FHDC1: variants seen among roughly 807,000 people sequenced by gnomAD.
FHDC1 encodes the protein FH2 domain containing 1, also known as FH2 domain-containing protein 1.
FHDC1 carries 25 observed loss-of-function variants against 52.6 expected under a neutral mutation model. The observed-to-expected ratio is 0.48, with a 90% confidence interval of 0.35 to 0.66. The LOEUF is 0.66. Ranked by LOEUF, FHDC1 falls within the 30% of genes least tolerant of loss-of-function variation. The pLI is 0.01. For synonymous variants in FHDC1, 616 were observed against 581.5 expected, an observed-to-expected ratio of 1.06 and a Z score of -0.85; for missense variants, 1,459 against 1,452.8, an observed-to-expected ratio of 1.00 and a Z score of -0.07.
chr4:152,923,003 G>A, the FHDC1 span, among the ~76,000 whole-genome samples: 2 of 152,012 alleles, frequency 1.3e-5, no homozygotes, highest in African/African-American at 4.8e-5. Flanking sequence ...GGAAGTTCTG[G>A]CCAGGGCAAT....
At chr4:152,926,303 C>CACAT in the FHDC1 span, among the ~76,000 whole-genome samples, 31 of 141,172 alleles carry the variant, frequency 2.2e-4, no homozygotes, top group South Asian at 5.3e-3. Flanking sequence ...CACACACACA[C>CACAT]AAACAATACA....
chr4:152,922,999 T>A, the FHDC1 span, among the ~76,000 whole-genome samples: 5 of 152,068 alleles, frequency 3.3e-5, no homozygotes, highest in Admixed American at 2.6e-4. Flanking sequence ...TGTTGGAAGT[T>A]CTGGCCAGGG....
chr4:152,964,820 A>AT, intron 8 of FHDC1, 85 bp from the exon 9 acceptor site: 1 of 1,116,642 alleles, frequency 9.0e-7, no homozygotes, highest in South Asian at 1.4e-5. Context: ...AGGAGCAGTG[A>AT]TTTTAAGATT....
chr4:152,971,055 C>T (rs1267933528), intron 10 of FHDC1, among the ~76,000 whole-genome samples: 1 of 152,154 alleles, frequency 6.6e-6, no homozygotes, highest in Non-Finnish European at 1.5e-5. Flanking sequence ...CTTCATATAA[C>T]CATTATTTCC....
At chr4:152,949,942 C>T (rs1423070261) in intron 2 of FHDC1, among the ~76,000 whole-genome samples, 3 of 152,164 alleles carry the variant, frequency 2.0e-5, no homozygotes, top group African/African-American at 4.8e-5. Flanking sequence ...TGACTGTACC[C>T]GTGGCACCGA....
rs1739923888 is a variant in FHDC1 at position 152,951,441 on chromosome 4, T to C, written c.499-2058T>C. On this transcript the variant is annotated intron_variant, in intron 2 of 11. Coordinates refer to ENST00000511601, the MANE Select transcript of FHDC1 (RefSeq NM_001371116.1). The stretch of plus-strand genomic sequence containing the variant: ...CAATAAGGAGGCCGCCCTTTCAGCT[T>C]GGGAGTTTTTACCTTATGGCTGGCA... Among the ~76,000 whole-genome samples, 4 of 152,054 alleles carry C rather than the reference T, an allele frequency of 2.6e-5. No homozygotes were observed. In the South Asian group the frequency reaches 8.3e-4, roughly 32 times the overall value.
At chr4:152,966,627 T>A (rs1309248758) in intron 9 of FHDC1, among the ~76,000 whole-genome samples, 3 of 152,024 alleles carry the variant, frequency 2.0e-5, no homozygotes, top group Non-Finnish European at 4.4e-5. Context: ...GCCCAGTTAA[T>A]TTTTTTGTAT....
chr4:152,954,469 C>G, intron 4 of FHDC1, 150 bp downstream of exon 4: 1 of 591,836 alleles, frequency 1.7e-6, no homozygotes, highest in Non-Finnish European at 2.9e-6. Context: ...GATGAATCAC[C>G]TGAGGTCAGG....
At chr4:152,918,692 A>C in the FHDC1 span, among the ~76,000 whole-genome samples, 1 of 152,182 alleles carries the variant, frequency 6.6e-6, no homozygotes, top group African/African-American at 2.4e-5. Flanking sequence ...ACACTGAGCC[A>C]CGTTGCTCTG....
chr4:152,936,160 C>T (rs1739364757), upstream of FHDC1, among the ~76,000 whole-genome samples: 1 of 151,992 alleles, frequency 6.6e-6, no homozygotes, highest in Admixed American at 6.5e-5. Context: ...GTGACGGTGG[C>T]GCGCGTAGGG....
At position 152,963,103 on chromosome 4, in the gene FHDC1, G is replaced by A; in HGVS notation, c.1002G>A (p.Gly334=). 1 of 1,614,036 alleles carries A rather than the reference G, an allele frequency of 6.2e-7. No individual in the cohort carries two copies. Among genetic ancestry groups the A allele is most frequent in the South Asian group, 1.1e-5 (1 of 91,076 alleles). ...KLADTKANKP[G]MNLLHFVAQE... ...CAGACACAAAAGCAAACAAACCTGG[G>A]ATGAATCTCCTGCACTTTGTTGCAC... The change falls in exon 8 of 12, where the codon GGG becomes GGA. Residue 334 remains glycine, a synonymous_variant. Coordinates refer to ENST00000511601, the MANE Select transcript of FHDC1 (RefSeq NM_001371116.1).
At chr4:152,947,629 A>G (rs1739774120) in intron 2 of FHDC1, among the ~76,000 whole-genome samples, 1 of 152,256 alleles carries the variant, frequency 6.6e-6, no homozygotes, top group Non-Finnish European at 1.5e-5. Flanking sequence ...TGAACTGGAC[A>G]GAACTGAACC....
intron 9 of FHDC1, among the ~76,000 whole-genome samples, chr4:152,966,183 G>T (rs770444714): frequency 6.6e-6 from 1 of 152,168 alleles, no homozygotes; most frequent in Non-Finnish European, 1.5e-5. Flanking sequence ...TTGAAATGGC[G>T]TTTCTGGTCA....
In FHDC1 at chr4:152,960,774, A is replaced by G; in HGVS notation, c.780A>G (p.Leu260=). ...NYSLRIEAMV[L]KKEFLPSCSS... ...CACTTCGGATTGAAGCCATGGTGCT[A>G]AAGAAGGAATTTCTACCTTCTTGCT... Residue 260 remains leucine, a synonymous_variant, in exon 6 of 12, where the codon CTA becomes CTG. Transcript: ENST00000511601. 1 of 1,613,290 alleles carries G rather than the reference A, an allele frequency of 6.2e-7. No homozygotes were observed. Among genetic ancestry groups the G allele is most frequent in the Non-Finnish European group, 8.5e-7 (1 of 1,179,854 alleles).
chr4:152,975,779 G>T lies in FHDC1; in HGVS notation c.2488G>T (p.Gly830Trp). The change falls in exon 12 of 12, where the codon GGG (glycine) becomes TGG (tryptophan). Residue 830 changes from glycine (G) to tryptophan (W), a missense_variant. By Grantham distance (184) the Gly-to-Trp change is radical. Around this residue, in one of 3 missense-constraint regions of FHDC1, gnomAD observed 939 missense variants for 854.5 expected, o/e 1.10. Coordinates refer to ENST00000511601, the MANE Select transcript of FHDC1 (RefSeq NM_001371116.1). ...VSSNPTSSPPGEAPAPVSVDS... is the reference protein window; with the variant it reads ...VSSNPTSSPPWEAPAPVSVDS... Reference sequence around the variant, plus strand: ...CTCCAACCCTACATCCAGCCCCCCTGGGGAGGCTCCTGCCCCCGTCTCTGT... The same window carrying T: ...CTCCAACCCTACATCCAGCCCCCCTTGGGAGGCTCCTGCCCCCGTCTCTGT... The T allele has an allele frequency of 6.4e-7, 1 of 1,554,008 alleles. No homozygotes were observed. Among genetic ancestry groups the T allele is most frequent in the Non-Finnish European group, 8.7e-7 (1 of 1,148,816 alleles).
At chr4:152,945,906 C>A (rs146990123) in intron 2 of FHDC1, among the ~76,000 whole-genome samples, 1 of 152,328 alleles carries the variant, frequency 6.6e-6, no homozygotes, top group East Asian at 1.9e-4. Flanking sequence ...CTTTCCCTAG[C>A]CCCTGGCAGG....
rs373626445 is a variant in FHDC1, at chr4:152,972,445, T to C, written c.1287T>C (p.Leu429=). ...AGCTCCAGGATGAGGCCTACACCCT[T>C]ATAGATTTTTTCTGTGAAGACAAAA... ...KQELQDEAYT[L]IDFFCEDKKT... is the part of the protein sequence containing the mutation. The change falls in exon 11 of 12, where the codon CTT becomes CTC. Residue 429 remains leucine (L), a synonymous_variant. Transcript: ENST00000511601. 81 of 1,613,896 alleles carry C rather than the reference T, an allele frequency of 5.0e-5. No homozygotes were observed. The highest frequency in any genetic ancestry group is 6.4e-5 in the Non-Finnish European group (76 of 1,179,992).
At chr4:152,953,308 G>C (rs1331776267) in intron 2 of FHDC1, among the ~76,000 whole-genome samples, 191 bp from the exon 3 acceptor site, 1 of 152,162 alleles carries the variant, frequency 6.6e-6, no homozygotes, top group Non-Finnish European at 1.5e-5. Flanking sequence ...ACTGTAGAAA[G>C]TTTGGGGAGA....
the FHDC1 span, chr4:152,927,325 A>G: frequency 8.9e-6 from 6 of 671,370 alleles, no homozygotes; most frequent in Admixed American, 4.6e-5. Flanking sequence ...GGTCAGGGGA[A>G]CCTCCACTCA....
Sources: allele counts gnomAD v4.1 joint callset (sites outside exome capture counted in the v4.1 genomes callset), GRCh38; gene constraint gnomAD v4.1.1; regional missense constraint gnomAD v4.1.1; transcripts MANE v1.5; gene names NCBI Gene and HGNC (gene_info 2026-07-23, HGNC 2026-07-21).